OR9Q1: variants seen among roughly 807,000 people sequenced by gnomAD.
OR9Q1 encodes olfactory receptor 9Q1.
For synonymous variants in OR9Q1, 153 were observed against 148.6 expected, an observed-to-expected ratio of 1.03 and a Z score of -0.22; for missense variants, 374 against 378.8, an observed-to-expected ratio of 0.99 and a Z score of 0.11.
At chr11:58,179,012 A>AAGAGAGAGAGAGAGAGAGAGAGAGAGAG (rs71061582) in intron 2 of OR9Q1, among the ~76,000 whole-genome samples, 22 of 132,470 alleles carry the variant, frequency 1.7e-4, no homozygotes, top group African/African-American at 4.8e-4. Context: ...GAAAGAAAGA[A>AAGAGAGAGAGAGAGAGAGAGAGAGAGAG]AGAGAGAGAG....
intron 2 of OR9Q1, among the ~76,000 whole-genome samples, chr11:58,139,774 T>C (rs1350871371): frequency 6.6e-6 from 1 of 152,150 alleles, no homozygotes; most frequent in East Asian, 1.9e-4. Flanking sequence ...AGCAGCAAGT[T>C]TTATAATCCT....
chr11:58,029,843 CTTT>C (rs58928895), intron 1 of OR9Q1, among the ~76,000 whole-genome samples: 23 of 139,108 alleles, frequency 1.7e-4, no homozygotes, highest in Admixed American at 2.9e-4. Flanking sequence ...CTGCCTCCTC[CTTT>C]TTTTTTTTTT....
At chr11:58,030,979 C>G (rs994660497) in intron 1 of OR9Q1, 1 of 1,613,734 alleles carries the variant, frequency 6.2e-7, no homozygotes, top group African/African-American at 1.3e-5. Flanking sequence ...AAAACTGGAC[C>G]CAGGTAACTG....
chr11:58,069,708 T>C (rs1293747702), intron 2 of OR9Q1, among the ~76,000 whole-genome samples: 1 of 151,736 alleles, frequency 6.6e-6, no homozygotes, highest in Non-Finnish European at 1.5e-5. Flanking sequence ...ATCTTGTCTC[T>C]GTGAAAAACT....
chr11:58,173,544 C>T (rs1332978704), intron 2 of OR9Q1, among the ~76,000 whole-genome samples: 2 of 151,794 alleles, frequency 1.3e-5, no homozygotes, highest in Non-Finnish European at 2.9e-5. Context: ...CATTGTTGGA[C>T]ATTTGGGTTG....
In OR9Q1 at chr11:58,180,343, T is replaced by C. The variant is rs771317394; in HGVS notation, c.899T>C (p.Leu300Pro). ...SLRNKEVKEALRKILNRAKLS is the reference protein window; with the variant it reads ...SLRNKEVKEAPRKILNRAKLS ...AGGAACAAGGAAGTGAAGGAGGCCC[T>C]GAGAAAAATTCTCAATAGAGCCAAG... The change falls in exon 3 of 3, where the codon CTG becomes CCG. Residue 300 changes from leucine (L) to proline (P), a missense_variant. Physicochemically the swap from Leu to Pro is moderately conservative, Grantham distance 98. Coordinates refer to ENST00000335397, the MANE Select transcript of OR9Q1 (RefSeq NM_001005212.4). The C allele has an allele frequency of 6.3e-7, 1 of 1,597,592 alleles. No homozygotes were observed. Among genetic ancestry groups the C allele is most frequent in the Non-Finnish European group, 8.5e-7 (1 of 1,170,340 alleles).
intron 2 of OR9Q1, among the ~76,000 whole-genome samples, chr11:58,176,695 G>C (rs527424846): frequency 2.6e-5 from 4 of 152,182 alleles, no homozygotes; most frequent in South Asian, 2.1e-4. Flanking sequence ...AGGCAGTGAA[G>C]TTATTATTGT....
chr11:58,130,145 C>A (rs914250919), intron 2 of OR9Q1, among the ~76,000 whole-genome samples: 2 of 152,054 alleles, frequency 1.3e-5, no homozygotes, highest in African/African-American at 4.8e-5. Context: ...ACTAGGCACT[C>A]AATAAATATT....
intron 2 of OR9Q1, among the ~76,000 whole-genome samples, chr11:58,123,130 T>C (rs1362834040): frequency 1.3e-5 from 2 of 152,206 alleles, no homozygotes; most frequent in Admixed American, 1.3e-4. Context: ...ATTTAAATCT[T>C]TGGGAGATTA....
chr11:58,154,064 AG>A (rs1268867461), intron 2 of OR9Q1, among the ~76,000 whole-genome samples: 1 of 150,932 alleles, frequency 6.6e-6, no homozygotes, highest in East Asian at 2.0e-4. Context: ...AGAGACAGAG[AG>A]GGAGAGAGCG....
intron 2 of OR9Q1, among the ~76,000 whole-genome samples, chr11:58,095,381 C>T (rs948073201): frequency 6.6e-6 from 1 of 152,230 alleles, no homozygotes; most frequent in African/African-American, 2.4e-5. Flanking sequence ...ATCCTTGTGT[C>T]TGACATATAC....
chr11:58,136,328 G>A (rs1854188943), intron 2 of OR9Q1, among the ~76,000 whole-genome samples: 1 of 152,102 alleles, frequency 6.6e-6, no homozygotes, highest in Non-Finnish European at 1.5e-5. Context: ...ATGGCGTTAA[G>A]GATGCACTTT....
Position 58,107,249 on chromosome 11 carries a change from C to G in OR9Q1, c.-15+51302C>G, listed in dbSNP as rs1185938724. 2.0e-5 allele frequency among the ~76,000 whole-genome samples: 3 copies of G among 152,248 alleles called. No homozygotes were observed. In the East Asian group the frequency reaches 5.8e-4, roughly 29 times the overall value. On this transcript the variant is annotated intron_variant, in intron 2 of 2. Coordinates refer to ENST00000335397, the MANE Select transcript of OR9Q1 (RefSeq NM_001005212.4). ...TTTACATTAGGTATTTCTCCTAATG[C>G]TATCCCTTCCCCATACCCCCACCCA...
At chr11:58,113,553 C>G (rs1349350023) in intron 2 of OR9Q1, among the ~76,000 whole-genome samples, 1 of 152,190 alleles carries the variant, frequency 6.6e-6, no homozygotes, top group African/African-American at 2.4e-5. Context: ...TTGCAAATAG[C>G]TTTCTTACAA....
At chr11:58,066,556 A>G (rs1193141343) in intron 2 of OR9Q1, among the ~76,000 whole-genome samples, 1 of 152,092 alleles carries the variant, frequency 6.6e-6, no homozygotes, top group East Asian at 1.9e-4. Flanking sequence ...AGCGTTCTCC[A>G]GGTCTCCGAG....
intron 2 of OR9Q1, among the ~76,000 whole-genome samples, chr11:58,172,075 T>A (rs1487501489): frequency 6.6e-6 from 1 of 152,226 alleles, no homozygotes; most frequent in Admixed American, 6.5e-5. Context: ...CATAACAGAT[T>A]TATGAGTACT....
intron 2 of OR9Q1, among the ~76,000 whole-genome samples, chr11:58,151,539 C>T (rs916078891): frequency 6.6e-6 from 1 of 152,130 alleles, no homozygotes; most frequent in South Asian, 2.1e-4. Flanking sequence ...ACTCTTGTTT[C>T]ATAATACAAA....
chr11:58,064,187 C>T (rs2120002730), intron 2 of OR9Q1, among the ~76,000 whole-genome samples: 1 of 152,332 alleles, frequency 6.6e-6, no homozygotes, highest in Admixed American at 6.5e-5. Flanking sequence ...CTCACACCAA[C>T]ATGCGCATAC....
At chr11:58,149,930 A>G (rs1854333839) in intron 2 of OR9Q1, among the ~76,000 whole-genome samples, 1 of 152,176 alleles carries the variant, frequency 6.6e-6, no homozygotes, top group Admixed American at 6.6e-5. Flanking sequence ...ATGTGGGTGA[A>G]CAAAGATGTG....
Sources: allele counts gnomAD v4.1 joint callset (sites outside exome capture counted in the v4.1 genomes callset), GRCh38; gene constraint gnomAD v4.1.1; transcripts MANE v1.5; gene names NCBI Gene and HGNC (gene_info 2026-07-23, HGNC 2026-07-21).